The following ANGEL1 variants were observed in gnomAD, a reference collection of about 807,000 sequenced individuals.
ANGEL1 encodes angel homolog 1.
ANGEL1 carries 62 observed loss-of-function variants against 76.4 expected under a neutral mutation model. That is an observed-to-expected ratio of 0.81 (90% CI 0.66 to 1.00). The LOEUF (loss-of-function observed/expected upper bound fraction) is 1.00. ANGEL1 is among the 50% of genes least tolerant of loss of function. ANGEL1 has a pLI of 0.00. For missense variants in ANGEL1, 737 were observed against 836.7 expected (o/e 0.88, Z 1.47); for synonymous variants, 340 against 331.7 (o/e 1.03, Z -0.27).
chr14:76,796,888 T>TTTA (rs1309703073), intron 7 of ANGEL1, among the ~76,000 whole-genome samples: 3 of 152,202 alleles, frequency 2.0e-5, no homozygotes, highest in African/African-American at 7.2e-5. Context: ...TTTTTAACAC[T>TTTA]AGTATCTTTA....
chr14:76,811,532 GGGC>G lies in ANGEL1; in HGVS notation c.64+1229_64+1231del, dbSNP rs1319110117. 6.3e-4 allele frequency among the ~76,000 whole-genome samples: 85 copies of G among 134,324 alleles called. 2 individuals are homozygous for G. The highest frequency in any genetic ancestry group is 1.3e-3 in the South Asian group (5 of 3,818). The allele number at this position is 134,324 out of a possible 152,430, so 88.1% of individuals were successfully genotyped here. ...TAATGTGTAGGTGGGGGGGCGGGGG[GGGC>G]CCTCCTCTGAGATCCCTAGAACTCT... On this transcript the variant is annotated intron_variant, in intron 1 of 9. Coordinates refer to ENST00000251089, the MANE Select transcript of ANGEL1 (RefSeq NM_015305.4).
chr14:76,803,463 C>A lies in ANGEL1; in HGVS notation c.1526G>T (p.Arg509Leu). The change falls in exon 7 of 10, where the codon CGA becomes CTA. Residue 509 changes from arginine to leucine, a missense_variant. By Grantham distance (102) the Arg-to-Leu change is moderately radical (BLOSUM62 -2). Around this residue, in one of 2 missense-constraint regions of ANGEL1, gnomAD observed 296 missense variants for 387.2 expected, o/e 0.76. Transcript: ENST00000251089. Reference sequence around the variant, plus strand: ...GAAGCGGAAACGTAGCAGGAAGTCTCGGCCATACTTGCGTCTCTCTGTAAA... The same window carrying A: ...GAAGCGGAAACGTAGCAGGAAGTCTAGGCCATACTTGCGTCTCTCTGTAAA... ...PKRSERRKYG[R>L]DFLLRFRFCS... is the part of the protein sequence containing the mutation. 2 of 1,614,156 alleles carry A rather than the reference C, an allele frequency of 1.2e-6. No homozygotes were observed. Among genetic ancestry groups the A allele is most frequent in the Non-Finnish European group, 8.5e-7 (1 of 1,180,016 alleles).
intron 4 of ANGEL1, among the ~76,000 whole-genome samples, 161 bp from the exon 5 acceptor site, chr14:76,807,010 A>G (rs554676395): frequency 6.6e-6 from 1 of 152,178 alleles, no homozygotes; most frequent in African/African-American, 2.4e-5. Flanking sequence ...TCCCCCTTAC[A>G]TCGTAACCAG....
rs1487988710 is a variant in ANGEL1, at chr14:76,791,300, G to C, written c.1685C>G (p.Ser562Cys). ...GAAGAGAACTGGAGAAGGTTACCTG[G>C]AGAAGGCAGGCTCAAGCTCCGATGC... is the stretch of plus-strand genomic sequence containing the variant. ...EDASELEPAF[S>C]RTVGTIQHCL... Residue 562 changes from serine to cysteine, a missense_variant, in exon 8 of 10, where the codon TCC becomes TGC. Physicochemically the swap from Ser to Cys is moderately radical, Grantham distance 112. Transcript: ENST00000251089. The C allele has an allele frequency of 8.7e-6, 14 of 1,613,964 alleles. No homozygotes were observed. In the Admixed American group the frequency reaches 2.3e-4, roughly 27 times the overall value.
At chr14:76,808,844 A>G (rs1566701918) in intron 2 of ANGEL1, among the ~76,000 whole-genome samples, 1 of 152,136 alleles carries the variant, frequency 6.6e-6, no homozygotes, top group African/African-American at 2.4e-5. Context: ...GTCATGTTCT[A>G]CTACCTCTCT....
Position 76,809,021 on chromosome 14 carries a change from C to T in ANGEL1, c.649+38G>A, listed in dbSNP as rs371790232. On this transcript the variant is annotated intron_variant, in intron 2 of 9. Transcript: ENST00000251089. ...TGGCTCTGCCCACACCTGAGACACCCTGTTCCCTTGGCTCACTCAACCAGT... is the reference window on the plus strand; with the variant it reads ...TGGCTCTGCCCACACCTGAGACACCTTGTTCCCTTGGCTCACTCAACCAGT... 2.5e-5 allele frequency: 39 copies of T among 1,567,266 alleles called. No individual in the cohort carries two copies. In the East Asian group the frequency reaches 8.8e-4, roughly 35 times the overall value.
intron 4 of ANGEL1, 109 bp downstream of exon 4, chr14:76,807,324 G>A: frequency 3.6e-6 from 4 of 1,097,780 alleles, no homozygotes; most frequent in South Asian, 1.4e-5. Flanking sequence ...CTAGCTCACA[G>A]GTGAAACTGA....
chr14:76,794,458 T>C (rs180716673), intron 7 of ANGEL1, among the ~76,000 whole-genome samples: 6 of 151,928 alleles, frequency 3.9e-5, no homozygotes, highest in Admixed American at 3.9e-4. Context: ...CATCATGAGG[T>C]CAGGAGATCG....
Position 76,806,611 on chromosome 14 carries a change from G to C in ANGEL1, c.1185C>G (p.Tyr395Ter), listed in dbSNP as rs762730788. The change falls in exon 5 of 10, where the codon TAC becomes TAG. Residue 395 changes from tyrosine (Y) to a stop codon, truncating the protein, a stop_gained. Coordinates refer to ENST00000251089, the MANE Select transcript of ANGEL1 (RefSeq NM_015305.4). LOFTEE classifies it high-confidence loss of function. ...GCTTGACATCGCCCCGGCGTGGGTT[G>C]TAAAGGATATGGGTATTTGCCACAC... Reference protein sequence around the residue: ...PLCVANTHILYNPRRGDVKLA... With the variant: ...PLCVANTHIL The C allele has an allele frequency of 6.2e-7, 1 of 1,614,202 alleles. No homozygotes were observed.
intron 1 of ANGEL1, chr14:76,812,397 C>G (rs1015931025): frequency 9.3e-7 from 1 of 1,078,958 alleles, no homozygotes; most frequent in African/African-American, 1.7e-5. Flanking sequence ...CGCCTAGGTC[C>G]GAGCTACTAC....
At chr14:76,796,205 T>C (rs1231721258) in intron 7 of ANGEL1, among the ~76,000 whole-genome samples, 2 of 151,918 alleles carry the variant, frequency 1.3e-5, no homozygotes, top group Non-Finnish European at 1.5e-5. Flanking sequence ...TTTTCCTCTT[T>C]GATCAAAAAG....
intron 6 of ANGEL1, 44 bp from the exon 7 acceptor site, chr14:76,803,525 G>T: frequency 6.3e-7 from 1 of 1,591,706 alleles, no homozygotes. Flanking sequence ...AGACGATGAA[G>T]CCACATGCTG....
In ANGEL1 at chr14:76,789,219, G is replaced by C. The variant is rs771871191; in HGVS notation, c.*9C>G. 5 of 1,613,894 alleles carry C rather than the reference G, an allele frequency of 3.1e-6. No homozygotes were observed. Among genetic ancestry groups the C allele is most frequent in the Non-Finnish European group, 4.2e-6 (5 of 1,179,950 alleles). ...CTGGAAGAGAAGCTCTCTTCCCCTGGGAGCCCTGTCATGGGGCGGTGACTT... is the reference window on the plus strand; with the variant it reads ...CTGGAAGAGAAGCTCTCTTCCCCTGCGAGCCCTGTCATGGGGCGGTGACTT... On this transcript the variant is annotated 3_prime_UTR_variant, in exon 10 of 10. Coordinates refer to ENST00000251089, the MANE Select transcript of ANGEL1 (RefSeq NM_015305.4).
chr14:76,795,481 C>T (rs915667573), intron 7 of ANGEL1, among the ~76,000 whole-genome samples: 1 of 152,154 alleles, frequency 6.6e-6, no homozygotes, highest in Admixed American at 6.5e-5. Flanking sequence ...TGTGTGTTTA[C>T]TGTCAGGTGT....
At chr14:76,801,400 G>A (rs556860553) in intron 7 of ANGEL1, among the ~76,000 whole-genome samples, 4 of 152,274 alleles carry the variant, frequency 2.6e-5, no homozygotes, top group Admixed American at 6.5e-5. Context: ...GTGTGAGCCA[G>A]GGTGCCTGGC....
intron 7 of ANGEL1, among the ~76,000 whole-genome samples, chr14:76,800,761 A>C (rs1393078392): frequency 6.6e-6 from 1 of 152,218 alleles, no homozygotes; most frequent in African/African-American, 2.4e-5. Flanking sequence ...TCCTGAGGTC[A>C]GGAGTTTGAG....
rs1005604407 is a variant in ANGEL1 at position 76,806,314 on chromosome 14, G to T, written c.1380+102C>A. On this transcript the variant is annotated intron_variant, in intron 5 of 9. Coordinates refer to ENST00000251089, the MANE Select transcript of ANGEL1 (RefSeq NM_015305.4). The stretch of plus-strand genomic sequence containing the variant: ...CAAGAAAAAGGAGGAGCAGGCCAGA[G>T]CAGGTGTACTGAGGTCCCTGCCACA... 7 of 1,231,546 alleles carry T rather than the reference G, an allele frequency of 5.7e-6. No individual in the cohort carries two copies. The African/African-American group carries it at 7.6e-5, about 13-fold the overall frequency. 76.3% of individuals were successfully genotyped at this position (1,231,546 alleles called of 1,614,324 possible). A position where few individuals can be genotyped will look rare whatever the true frequency, so the allele number is the denominator to read the frequency against.
At chr14:76,803,738 A>C in intron 6 of ANGEL1, 48 bp downstream of exon 6, 2 of 1,559,118 alleles carry the variant, frequency 1.3e-6, no homozygotes, top group Non-Finnish European at 1.7e-6. Context: ...GCTTTCTCCC[A>C]AAATGGGCAT....
chr14:76,806,767 C>T lies in ANGEL1; in HGVS notation c.1029G>A (p.Leu343=). 6.2e-7 allele frequency: 1 copy of T among 1,614,206 alleles called. No individual in the cohort carries two copies. ...AGTACTCCACAGGGCTAGCACAGAG[C>T]AGGCGGAATCTGGTAGGCTTGTAGC... is the stretch of plus-strand genomic sequence containing the variant. ...AVCYKPTRFR[L]LCASPVEYFR... Residue 343 remains leucine, a synonymous_variant, in exon 5 of 10, where the codon CTG becomes CTA. Transcript: ENST00000251089.
Sources: gnomAD v4.1 joint callset for allele counts (sites outside exome capture counted in the v4.1 genomes callset) on GRCh38, gnomAD v4.1.1 for gene constraint, gnomAD v4.1.1 regional missense constraint, MANE v1.5 for transcripts, NCBI Gene and HGNC (gene_info 2026-07-23, HGNC 2026-07-21) for gene names.